NR2F1-AS1: variants seen among roughly 807,000 people sequenced by gnomAD.
NR2F1-AS1 encodes the protein NR2F1 antisense RNA 1.
chr5:93,430,657 G>A (rs959241740), intron 4 of NR2F1-AS1, among the ~76,000 whole-genome samples: 1 of 152,102 alleles, frequency 6.6e-6, no homozygotes, highest in Admixed American at 6.5e-5. Context: ...AAAGAAGAAT[G>A]GTGTGGCCCA....
intron 4 of NR2F1-AS1, among the ~76,000 whole-genome samples, chr5:93,433,886 C>A (rs1380456703): frequency 1.3e-5 from 2 of 152,084 alleles, no homozygotes; most frequent in African/African-American, 4.8e-5. Flanking sequence ...TTTACTTTTA[C>A]CAAAAGTAAA....
At chr5:93,431,041 C>A (rs556345224) in intron 4 of NR2F1-AS1, among the ~76,000 whole-genome samples, 1 of 152,182 alleles carries the variant, frequency 6.6e-6, no homozygotes, top group South Asian at 2.1e-4. Context: ...GTTTCAGCAC[C>A]CACTTTGAAA....
intron 4 of NR2F1-AS1, among the ~76,000 whole-genome samples, chr5:93,504,984 C>T (rs757288426): frequency 5.9e-5 from 9 of 152,234 alleles, no homozygotes; most frequent in African/African-American, 1.4e-4. Flanking sequence ...AGTCCACAGT[C>T]GAAAGTCTCA....
chr5:93,581,486 G>C (rs1254261475), upstream of NR2F1-AS1, among the ~76,000 whole-genome samples: 1 of 152,094 alleles, frequency 6.6e-6, no homozygotes, highest in African/African-American at 2.4e-5. Context: ...TGGAGAAAAG[G>C]CACAGGCTGC....
At chr5:93,425,303 T>C (rs879362005) in intron 4 of NR2F1-AS1, among the ~76,000 whole-genome samples, 1 of 152,132 alleles carries the variant, frequency 6.6e-6, no homozygotes, top group Non-Finnish European at 1.5e-5. Flanking sequence ...CCTCGGTTCT[T>C]TTCTGGGTGA....
chr5:93,482,744 G>C (rs1197336743), intron 4 of NR2F1-AS1, among the ~76,000 whole-genome samples: 2 of 152,140 alleles, frequency 1.3e-5, no homozygotes, highest in Non-Finnish European at 2.9e-5. Flanking sequence ...AAGTCAACCT[G>C]GGACGCTCTA....
intron 4 of NR2F1-AS1, among the ~76,000 whole-genome samples, chr5:93,516,281 C>G (rs1247109350): frequency 6.6e-6 from 1 of 151,780 alleles, no homozygotes; most frequent in African/African-American, 2.4e-5. Context: ...CAAACATGAC[C>G]TGAAATCTAT....
chr5:93,471,695 A>C (rs762280060), intron 4 of NR2F1-AS1, among the ~76,000 whole-genome samples: 3 of 151,872 alleles, frequency 2.0e-5, no homozygotes, highest in Non-Finnish European at 4.4e-5. Flanking sequence ...AGCCATTTTA[A>C]TGAGTGATAG....
intron 4 of NR2F1-AS1, among the ~76,000 whole-genome samples, chr5:93,491,379 T>C (rs1580272641): frequency 1.3e-5 from 2 of 151,284 alleles, no homozygotes; most frequent in South Asian, 4.2e-4. Context: ...GGGGGGGTGG[T>C]GGTGCTGGTG....
At chr5:93,426,673 A>G (rs2149844847) in intron 4 of NR2F1-AS1, among the ~76,000 whole-genome samples, 2 of 152,288 alleles carry the variant, frequency 1.3e-5, no homozygotes, top group Admixed American at 1.3e-4. Flanking sequence ...TCAAATCACA[A>G]AGTCTCCTGT....
intron 4 of NR2F1-AS1, among the ~76,000 whole-genome samples, chr5:93,425,227 G>A (rs923059142): frequency 2.6e-5 from 4 of 152,118 alleles, no homozygotes; most frequent in Non-Finnish European, 5.9e-5. Context: ...GTGATCAAAT[G>A]GTGGATCAGC....
chr5:93,439,282 G>A (rs1749506373), intron 4 of NR2F1-AS1, among the ~76,000 whole-genome samples: 2 of 152,130 alleles, frequency 1.3e-5, no homozygotes, highest in African/African-American at 4.8e-5. Context: ...TTAGTTCATG[G>A]CACCCAATAA....
intron 2 of NR2F1-AS1, among the ~76,000 whole-genome samples, chr5:93,559,609 G>A (rs1752441282): frequency 6.6e-6 from 1 of 152,142 alleles, no homozygotes; most frequent in South Asian, 2.1e-4. Flanking sequence ...AAGTAAAGGA[G>A]GTGTGACTCT....
chr5:93,489,530 T>C (rs762681212), intron 4 of NR2F1-AS1, among the ~76,000 whole-genome samples: 23 of 152,188 alleles, frequency 1.5e-4, no homozygotes, highest in Non-Finnish European at 2.6e-4. Context: ...TGACTTCCTT[T>C]ATTACGGTGG....
intron 4 of NR2F1-AS1, among the ~76,000 whole-genome samples, chr5:93,483,985 T>G (rs1580265366): frequency 6.6e-6 from 1 of 152,206 alleles, no homozygotes; most frequent in Non-Finnish European, 1.5e-5. Flanking sequence ...TTGGTGTACC[T>G]GCAAGTGATG....
At chr5:93,500,733 G>A (rs748300812) in intron 4 of NR2F1-AS1, among the ~76,000 whole-genome samples, 21 of 152,044 alleles carry the variant, frequency 1.4e-4, no homozygotes, top group Non-Finnish European at 2.8e-4. Flanking sequence ...TGCCTCCCAG[G>A]TTCAAGAGAT....
intron 4 of NR2F1-AS1, among the ~76,000 whole-genome samples, chr5:93,478,230 G>C (rs1750527512): frequency 6.6e-6 from 1 of 152,134 alleles, no homozygotes; most frequent in African/African-American, 2.4e-5. Flanking sequence ...AGCAATAAGA[G>C]AAAAGACTGT....
chr5:93,415,410 A>AAACAAATAATGCCAGACCTT (rs1748949011), intron 4 of NR2F1-AS1, among the ~76,000 whole-genome samples: 1 of 152,156 alleles, frequency 6.6e-6, no homozygotes, highest in East Asian at 1.9e-4. Flanking sequence ...TGCCAGATCT[A>AAACAAATAATGCCAGACCTT]AACAAATAAT....
chr5:93,487,812 C>T (rs1271848755), intron 4 of NR2F1-AS1, among the ~76,000 whole-genome samples: 1 of 152,136 alleles, frequency 6.6e-6, no homozygotes, highest in Non-Finnish European at 1.5e-5. Flanking sequence ...AAGAAAAAAG[C>T]TGGAAGCATC....
Sources: gnomAD v4.1 joint callset for allele counts (sites outside exome capture counted in the v4.1 genomes callset) on GRCh38, gnomAD v4.1.1 for gene constraint, MANE v1.5 for transcripts, NCBI Gene and HGNC (gene_info 2026-07-23, HGNC 2026-07-21) for gene names.